The following CSMD1 variants were observed in gnomAD, a reference collection of about 807,000 sequenced individuals.
CSMD1 encodes CUB and Sushi multiple domains 1.
A neutral mutation model predicts 417.5 loss-of-function variants in CSMD1; 213 were observed. The ratio of observed to expected loss-of-function variants is 0.51; its 90% CI spans 0.46 to 0.57. The LOEUF is 0.57. CSMD1 is among the 20% of genes least tolerant of loss of function. CSMD1 has a pLI of 0.00. For missense variants in CSMD1, 6,923 were observed against 4,529.7 expected, an observed-to-expected ratio of 1.53 and a Z score of -15.17; for synonymous variants, 2,862 against 1,736.8, an observed-to-expected ratio of 1.65 and a Z score of -16.11.
In CSMD1 at chr8:4,140,323, C is replaced by T. The variant is rs1420491475; in HGVS notation, c.416-108224G>A. ...ACCAGCCTGACAAACATGGTGAAAT[C>T]CCATCTCTACTAAAACAATACAAAA... On this transcript the variant is annotated intron_variant, in intron 3 of 69. Transcript: ENST00000635120. Among the ~76,000 whole-genome samples, 15 of 150,876 alleles carry T rather than the reference C, an allele frequency of 9.9e-5. 1 individual carries two copies. Among genetic ancestry groups the T allele is most frequent in the South Asian group, 2.1e-4 (1 of 4,824 alleles).
intron 2 of CSMD1, among the ~76,000 whole-genome samples, chr8:4,498,832 G>A (rs1456293733): frequency 6.6e-6 from 1 of 152,062 alleles, no homozygotes; most frequent in East Asian, 1.9e-4. Flanking sequence ...TGGCAGCTAA[G>A]GGTAATTGTC....
chr8:4,522,729 T>A (rs1027795512), intron 2 of CSMD1, among the ~76,000 whole-genome samples: 4 of 152,026 alleles, frequency 2.6e-5, no homozygotes, highest in Non-Finnish European at 5.9e-5. Flanking sequence ...CCCTACCCTA[T>A]CCACACGTGC....
chr8:3,806,935 CAGA>C (rs1800772834), intron 5 of CSMD1, among the ~76,000 whole-genome samples: 2 of 152,066 alleles, frequency 1.3e-5, no homozygotes, highest in Non-Finnish European at 2.9e-5. Flanking sequence ...TTCTAATTGT[CAGA>C]TAGGATTTAA....
At chr8:3,900,833 C>T (rs1479295731) in intron 5 of CSMD1, among the ~76,000 whole-genome samples, 5 of 152,206 alleles carry the variant, frequency 3.3e-5, no homozygotes, top group African/African-American at 1.2e-4. Flanking sequence ...CCAGAGCTTG[C>T]TCTTCTCATT....
At chr8:4,759,256 G>C (rs1380487461) in intron 1 of CSMD1, among the ~76,000 whole-genome samples, 1 of 152,136 alleles carries the variant, frequency 6.6e-6, no homozygotes, top group Non-Finnish European at 1.5e-5. Flanking sequence ...GATGATGACT[G>C]CCCTCAGGAA....
intron 3 of CSMD1, among the ~76,000 whole-genome samples, chr8:4,049,916 C>T (rs912802699): frequency 3.7e-5 from 1 of 26,980 alleles, no homozygotes; most frequent in African/African-American, 3.1e-4. Context: ...TTCAGGAATC[C>T]ATTCGGATAC....
chr8:4,379,606 C>T (rs1802971730), intron 3 of CSMD1, among the ~76,000 whole-genome samples: 1 of 151,850 alleles, frequency 6.6e-6, no homozygotes, highest in Non-Finnish European at 1.5e-5. Context: ...AAAATGTTTG[C>T]AAGGTAAGCC....
At chr8:3,794,586 T>A (rs1377323782) in intron 5 of CSMD1, among the ~76,000 whole-genome samples, 6 of 148,454 alleles carry the variant, frequency 4.0e-5, no homozygotes, top group Non-Finnish European at 6.0e-5. Context: ...ATTGGTTTAT[T>A]TTTCCATTTT....
At chr8:3,714,872 G>C (rs1046361501) in intron 6 of CSMD1, among the ~76,000 whole-genome samples, 4 of 152,078 alleles carry the variant, frequency 2.6e-5, no homozygotes, top group Admixed American at 2.6e-4. Context: ...AATTTTTTAA[G>C]TGAAACATGT....
chr8:3,840,598 G>GTA (rs1255815199), intron 5 of CSMD1, among the ~76,000 whole-genome samples: 2 of 151,886 alleles, frequency 1.3e-5, no homozygotes. Context: ...GTGAGTGTAT[G>GTA]TATAGGTGTG....
intron 5 of CSMD1, among the ~76,000 whole-genome samples, chr8:3,991,596 A>G (rs1814756790): frequency 6.6e-6 from 1 of 152,224 alleles, no homozygotes; most frequent in South Asian, 2.1e-4. Context: ...TGATGACTCC[A>G]CCACACAGTA....
chr8:3,367,803 T>A (rs1219313356), intron 19 of CSMD1, among the ~76,000 whole-genome samples: 1 of 152,210 alleles, frequency 6.6e-6, no homozygotes, highest in Non-Finnish European at 1.5e-5. Flanking sequence ...CATAGATATG[T>A]ATATTTAAGA....
intron 3 of CSMD1, among the ~76,000 whole-genome samples, chr8:4,227,974 C>T (rs1801461391): frequency 6.6e-6 from 1 of 151,828 alleles, no homozygotes; most frequent in Admixed American, 6.6e-5. Flanking sequence ...CACCAGGAGA[C>T]ACGCCCTCCA....
At chr8:2,964,830 T>C (rs1021093357) in intron 59 of CSMD1, among the ~76,000 whole-genome samples, 46 of 152,146 alleles carry the variant, frequency 3.0e-4, no homozygotes, top group African/African-American at 1.0e-3. Flanking sequence ...GAGAAAGCCA[T>C]ATTTTTGAGC....
intron 1 of CSMD1, among the ~76,000 whole-genome samples, chr8:4,826,858 G>A (rs544113972): frequency 8.5e-5 from 13 of 152,052 alleles, no homozygotes; most frequent in African/African-American, 2.4e-4. Context: ...GCCAGCTGAC[G>A]GATAAGAAAA....
intron 1 of CSMD1, among the ~76,000 whole-genome samples, chr8:4,673,521 C>T (rs938286469): frequency 2.6e-5 from 4 of 152,108 alleles, no homozygotes; most frequent in Non-Finnish European, 5.9e-5. Flanking sequence ...GAGTTTCCTA[C>T]AAAACAGCTC....
intron 1 of CSMD1, among the ~76,000 whole-genome samples, chr8:4,945,823 G>C (rs1325418324): frequency 6.6e-6 from 1 of 152,150 alleles, no homozygotes; most frequent in African/African-American, 2.4e-5. Flanking sequence ...CCCAGTTTTG[G>C]AGAGTCCAAG....
At chr8:3,987,377 C>T (rs370496322) in intron 5 of CSMD1, among the ~76,000 whole-genome samples, 2 of 152,226 alleles carry the variant, frequency 1.3e-5, no homozygotes, top group Non-Finnish European at 1.5e-5. Flanking sequence ...TTGTTTATCA[C>T]ATATGCCATG....
intron 7 of CSMD1, among the ~76,000 whole-genome samples, chr8:3,658,871 T>A (rs549904546): frequency 6.6e-6 from 1 of 152,352 alleles, no homozygotes; most frequent in African/African-American, 2.4e-5. Flanking sequence ...TTCCAGGGGA[T>A]GTTTCGAATG....
Sources: allele counts gnomAD v4.1 joint callset (sites outside exome capture counted in the v4.1 genomes callset), GRCh38; gene constraint gnomAD v4.1.1; transcripts MANE v1.5; gene names NCBI Gene and HGNC (gene_info 2026-07-23, HGNC 2026-07-21).